Variants in COL21A1 observed in about 807,000 individuals in gnomAD.
COL21A1 encodes the protein collagen alpha-1(XXI) chain.
In COL21A1, 149 loss-of-function variants were observed where a neutral mutation model predicts 137.9. The observed-to-expected ratio is 1.08, with a 90% CI of 0.95 to 1.24. The LOEUF is 1.24. Among genes scored for constraint, COL21A1 ranks in the 50% most tolerant of loss-of-function variants. The probability of loss-of-function intolerance (pLI) is 0.00; values close to 1 mark genes in which losing one functional copy is unlikely to be tolerated. For missense variants in COL21A1, 1,167 were observed against 1,158.4 expected, an observed-to-expected ratio of 1.01 and a Z score of -0.11; for synonymous variants, 456 against 391.5, an observed-to-expected ratio of 1.16 and a Z score of -1.95.
At chr6:56,290,118 G>A (rs974865212) in intron 1 of COL21A1, among the ~76,000 whole-genome samples, 5 of 152,020 alleles carry the variant, frequency 3.3e-5, no homozygotes, top group South Asian at 4.2e-4. Flanking sequence ...TGAATGTGGC[G>A]CCTCCCCTGT....
At chr6:56,090,942 A>G (rs1768758370) in intron 17 of COL21A1, among the ~76,000 whole-genome samples, 2 of 152,312 alleles carry the variant, frequency 1.3e-5, no homozygotes, top group South Asian at 4.1e-4. Flanking sequence ...AAAGTATTAC[A>G]AATCTGTACA....
intron 16 of COL21A1, among the ~76,000 whole-genome samples, chr6:56,102,011 C>T (rs1300205136): frequency 3.9e-5 from 6 of 151,930 alleles, no homozygotes; most frequent in African/African-American, 9.7e-5. Flanking sequence ...TTAGTATATA[C>T]GTATTTAAAA....
chr6:56,160,362 G>T (rs567599096), intron 9 of COL21A1, among the ~76,000 whole-genome samples: 4 of 152,156 alleles, frequency 2.6e-5, no homozygotes, highest in Non-Finnish European at 5.9e-5. Context: ...GGAAAGTTAG[G>T]TAAGTTGCCT....
intron 1 of COL21A1, chr6:56,331,904 A>G (rs900116909): frequency 1.3e-5 from 2 of 152,078 alleles, no homozygotes; most frequent in Non-Finnish European, 2.9e-5. Context: ...TGAACACTGC[A>G]ATAAATCAGA....
At chr6:56,282,910 C>T (rs544551691) in intron 1 of COL21A1, among the ~76,000 whole-genome samples, 2 of 152,246 alleles carry the variant, frequency 1.3e-5, no homozygotes, top group East Asian at 3.9e-4. Flanking sequence ...AAAATTGTGT[C>T]AATAGTCTCC....
chr6:56,246,508 A>G (rs902184369), intron 1 of COL21A1, among the ~76,000 whole-genome samples: 1 of 151,958 alleles, frequency 6.6e-6, no homozygotes, highest in African/African-American at 2.4e-5. Context: ...CTACTAATAA[A>G]TAACTAAGGT....
chr6:56,122,280 T>C (rs1007083201), intron 16 of COL21A1, among the ~76,000 whole-genome samples: 7 of 150,928 alleles, frequency 4.6e-5, no homozygotes, highest in African/African-American at 1.7e-4. Flanking sequence ...TGTTGAGAAA[T>C]GGGGAGAGAC....
At chr6:56,197,258 A>G (rs1234543870) in intron 1 of COL21A1, among the ~76,000 whole-genome samples, 1 of 152,136 alleles carries the variant, frequency 6.6e-6, no homozygotes, top group Non-Finnish European at 1.5e-5. Flanking sequence ...CAAAACTCCT[A>G]GAAGAAAACA....
chr6:56,256,205 C>T (rs898431998), intron 1 of COL21A1, among the ~76,000 whole-genome samples: 2 of 152,202 alleles, frequency 1.3e-5, no homozygotes, highest in Admixed American at 1.3e-4. Flanking sequence ...GGTCTCATAA[C>T]ACTTCTCAGC....
chr6:56,190,098 A>G (rs182811675), intron 1 of COL21A1, among the ~76,000 whole-genome samples: 43 of 152,326 alleles, frequency 2.8e-4, no homozygotes, highest in African/African-American at 9.4e-4. Context: ...AGAGCAGAGC[A>G]GAACTGAAGG....
At position 56,297,345 on chromosome 6, in the gene COL21A1, C is replaced by T. The variant is rs529100534; in HGVS notation, c.-39+96626G>A. On this transcript the variant is annotated intron_variant, in intron 1 of 28. Coordinates refer to the COL21A1 transcript ENST00000370819. ...TCTCAGAATTCCCTTCAAATTACTT[C>T]ATTGTTTTTTTTATTCTCTTCTGCT... Among the ~76,000 whole-genome samples, 6 of 152,184 alleles carry T rather than the reference C, an allele frequency of 3.9e-5. No individual in the cohort carries two copies. In the East Asian group the frequency reaches 7.7e-4, roughly 20 times the overall value.
At chr6:56,378,150 T>C (rs2094002881) in intron 1 of COL21A1, among the ~76,000 whole-genome samples, 1 of 152,102 alleles carries the variant, frequency 6.6e-6, no homozygotes, top group East Asian at 1.9e-4. Flanking sequence ...TGCCCAGCTG[T>C]GGCGGCTATA....
At chr6:56,156,113 T>A (rs1239292050) in intron 10 of COL21A1, among the ~76,000 whole-genome samples, 1 of 152,246 alleles carries the variant, frequency 6.6e-6, no homozygotes, top group Non-Finnish European at 1.5e-5. Flanking sequence ...AAAAGTGTTT[T>A]TAATTTGAAA....
intron 1 of COL21A1, among the ~76,000 whole-genome samples, chr6:56,243,341 A>G (rs1402613830): frequency 6.6e-6 from 1 of 152,188 alleles, no homozygotes; most frequent in African/African-American, 2.4e-5. Flanking sequence ...GTCTCTGGCC[A>G]GCCACAGTAG....
chr6:56,371,516 C>A (rs1237394008), intron 1 of COL21A1, among the ~76,000 whole-genome samples: 2 of 152,146 alleles, frequency 1.3e-5, no homozygotes, highest in African/African-American at 4.8e-5. Flanking sequence ...TTCACGTGGA[C>A]CATCCCAGGC....
intron 1 of COL21A1, among the ~76,000 whole-genome samples, chr6:56,246,423 G>A (rs1054992089): frequency 6.6e-6 from 1 of 151,664 alleles, no homozygotes; most frequent in South Asian, 2.1e-4. Flanking sequence ...ATTATTCGAT[G>A]ATGCTTAAGT....
intron 1 of COL21A1, among the ~76,000 whole-genome samples, chr6:56,329,949 G>A (rs1765181469): frequency 1.3e-5 from 2 of 152,094 alleles, no homozygotes; most frequent in Admixed American, 6.6e-5. Context: ...GTTTTCTGTA[G>A]CTGATTTGAC....
At chr6:56,369,766 G>T (rs987654304) in intron 1 of COL21A1, among the ~76,000 whole-genome samples, 1 of 152,030 alleles carries the variant, frequency 6.6e-6, no homozygotes, top group East Asian at 1.9e-4. Context: ...CCATAAATAC[G>T]AAAAAATTGC....
upstream of COL21A1, among the ~76,000 whole-genome samples, chr6:56,251,077 G>T (rs949540612): frequency 1.3e-5 from 2 of 152,082 alleles, no homozygotes; most frequent in African/African-American, 4.8e-5. Flanking sequence ...ACAGTCCTCT[G>T]TCTCACCTCT....
Sources: allele counts gnomAD v4.1 joint callset (sites outside exome capture counted in the v4.1 genomes callset), GRCh38; gene constraint gnomAD v4.1.1; transcripts MANE v1.5; gene names NCBI Gene and HGNC (gene_info 2026-07-23, HGNC 2026-07-21).